The following PRKN variants were observed in gnomAD, a reference collection of about 807,000 sequenced individuals.
The protein encoded by PRKN is E3 ubiquitin-protein ligase parkin.
In PRKN, 56 loss-of-function variants were observed where a neutral mutation model predicts 59.5. The observed-to-expected ratio is 0.94, with a 90% CI of 0.76 to 1.18. PRKN has a LOEUF of 1.18. PRKN is among the 50% of genes most tolerant of loss of function. PRKN has a pLI of 0.00. For missense variants in PRKN, 657 were observed against 596.4 expected (o/e 1.10, Z -1.06); for synonymous variants, 250 against 222.1 (o/e 1.13, Z -1.12).
At chr6:162,700,580 T>A (rs1190014790) in intron 1 of PRKN, among the ~76,000 whole-genome samples, 6 of 152,148 alleles carry the variant, frequency 3.9e-5, no homozygotes, top group African/African-American at 1.2e-4. Context: ...GGAATACATT[T>A]TGAGAATTCA....
chr6:161,880,785 G>A (rs921277506), intron 6 of PRKN, among the ~76,000 whole-genome samples: 6 of 152,102 alleles, frequency 3.9e-5, no homozygotes, highest in African/African-American at 1.2e-4. Context: ...GTGGTGACCC[G>A]GGAAAAGGCA....
At position 161,867,740 on chromosome 6, in the gene PRKN, C is replaced by CATTCATTT. The variant is rs377654828; in HGVS notation, c.735-81833_735-81832insAAATGAAT. On this transcript the variant is annotated intron_variant, in intron 6 of 11. Coordinates refer to ENST00000366898, the MANE Select transcript of PRKN (RefSeq NM_004562.3). Reference sequence around the variant, plus strand: ...ATTAGCAATCATGGGAAAAATCTTTCATTTATTTATTTATTTATTTATTTA... The same window carrying CATTCATTT: ...ATTAGCAATCATGGGAAAAATCTTTCATTCATTTATTTATTTATTTATTTATTTATTTA... Among the ~76,000 whole-genome samples the CATTCATTT allele has an allele frequency of 7.8e-3, 1,068 of 137,588 alleles. 3 individuals are homozygous for CATTCATTT. The highest frequency in any genetic ancestry group is 0.012 in the Non-Finnish European group (812 of 65,606). The allele number at this position is 137,588 out of a possible 152,430, so 90.3% of individuals were successfully genotyped here.
intron 2 of PRKN, among the ~76,000 whole-genome samples, chr6:162,297,705 A>G (rs767217276): frequency 7.2e-5 from 11 of 152,302 alleles, no homozygotes; most frequent in Non-Finnish European, 1.3e-4. Context: ...GAAAAATATA[A>G]TTAAAAACCA....
intron 2 of PRKN, among the ~76,000 whole-genome samples, chr6:162,372,965 T>C (rs1344933391): frequency 1.3e-5 from 2 of 151,930 alleles, no homozygotes; most frequent in Admixed American, 6.6e-5. Context: ...ACCGGAGGAG[T>C]AGGCAATTTT....
chr6:161,651,582 G>A (rs1784151310), intron 7 of PRKN, among the ~76,000 whole-genome samples: 1 of 152,182 alleles, frequency 6.6e-6, no homozygotes, highest in South Asian at 2.1e-4. Context: ...CAGGGGCTGT[G>A]AGTAGCATAA....
intron 1 of PRKN, chr6:162,569,186 A>G: frequency 1.7e-6 from 1 of 578,178 alleles, no homozygotes; most frequent in Admixed American, 2.3e-5. Flanking sequence ...TGCAGATGCA[A>G]AGACTGAGAT....
chr6:161,693,483 C>T (rs1180247685), intron 7 of PRKN, among the ~76,000 whole-genome samples: 12 of 152,168 alleles, frequency 7.9e-5, no homozygotes, highest in South Asian at 2.1e-4. Context: ...GAAAGAGATA[C>T]CCAAAATTAT....
intron 1 of PRKN, among the ~76,000 whole-genome samples, chr6:162,703,130 C>A (rs1356020077): frequency 6.6e-6 from 1 of 151,326 alleles, no homozygotes; most frequent in African/African-American, 2.4e-5. Flanking sequence ...AGAGTGGCAA[C>A]AAAAAAAACT....
intron 6 of PRKN, among the ~76,000 whole-genome samples, chr6:161,815,850 C>T (rs913909475): frequency 3.9e-5 from 6 of 152,184 alleles, no homozygotes; most frequent in African/African-American, 7.2e-5. Context: ...AACTGTACGA[C>T]GGGTTCACCT....
rs551969002 is a variant in PRKN, at chr6:161,616,807, C to T, written c.872-47391G>A. On this transcript the variant is annotated intron_variant, in intron 7 of 11. Transcript: ENST00000366898. ...GTCACATTTGCTTTATCCAGTCTAT[C>T]ATTGATGGGCATTTGGGTTGGTTCC... Among the ~76,000 whole-genome samples, 396 of 152,298 alleles carry T rather than the reference C, an allele frequency of 2.6e-3. 1 individual carries two copies. Among genetic ancestry groups the T allele is most frequent in the Non-Finnish European group, 4.6e-3 (311 of 68,028 alleles).
intron 1 of PRKN, among the ~76,000 whole-genome samples, chr6:162,485,393 G>C (rs1160665387): frequency 6.6e-6 from 1 of 152,206 alleles, no homozygotes; most frequent in Non-Finnish European, 1.5e-5. Context: ...AAAGTAGTAT[G>C]AGAGACACTG....
chr6:162,271,489 ACCAAGATCGCACCAGT>A (rs1780391258), intron 2 of PRKN: 1 of 151,688 alleles, frequency 6.6e-6, no homozygotes, highest in Non-Finnish European at 1.5e-5. Context: ...GTTGCAGTGA[ACCAAGATCGCACCAGT>A]CCACTCCAGC....
intron 2 of PRKN, among the ~76,000 whole-genome samples, chr6:162,368,190 A>C (rs1785555214): frequency 6.6e-6 from 1 of 152,142 alleles, no homozygotes; most frequent in Non-Finnish European, 1.5e-5. Context: ...TTGGGAGAAC[A>C]GGGAATCACT....
intron 2 of PRKN, among the ~76,000 whole-genome samples, chr6:162,377,467 CTT>C: frequency 6.6e-6 from 1 of 152,286 alleles, no homozygotes; most frequent in South Asian, 2.1e-4. Flanking sequence ...GGGGCCACTC[CTT>C]TTGTCTCTTT....
At chr6:161,731,009 G>A (rs1489076832) in intron 7 of PRKN, among the ~76,000 whole-genome samples, 1 of 152,074 alleles carries the variant, frequency 6.6e-6, no homozygotes, top group East Asian at 1.9e-4. Flanking sequence ...GTTGCATTCT[G>A]AAGTGCTGCA....
intron 7 of PRKN, among the ~76,000 whole-genome samples, chr6:161,770,669 T>C (rs946498557): frequency 1.6e-4 from 25 of 152,084 alleles, no homozygotes; most frequent in African/African-American, 5.8e-4. Context: ...GATTTCACCA[T>C]GTTGGTCAGT....
intron 5 of PRKN, among the ~76,000 whole-genome samples, chr6:162,021,425 C>T (rs1352196728): frequency 2.3e-5 from 3 of 130,944 alleles, no homozygotes; most frequent in Non-Finnish European, 3.1e-5. Flanking sequence ...TTTGATGTCC[C>T]GGCATTACAG....
intron 6 of PRKN, among the ~76,000 whole-genome samples, chr6:161,958,411 G>T (rs965135636): frequency 6.6e-6 from 1 of 152,132 alleles, no homozygotes; most frequent in African/African-American, 2.4e-5. Context: ...AATGTTTTAT[G>T]TTGTTGCTAT....
intron 4 of PRKN, among the ~76,000 whole-genome samples, chr6:162,164,041 T>G (rs1782874802): frequency 6.7e-6 from 1 of 149,020 alleles, no homozygotes; most frequent in Non-Finnish European, 1.5e-5. Flanking sequence ...TGAATAGGTT[T>G]TGTGAGGTTG....
Sources: gnomAD v4.1 joint callset for allele counts (sites outside exome capture counted in the v4.1 genomes callset) on GRCh38, gnomAD v4.1.1 for gene constraint, MANE v1.5 for transcripts, NCBI Gene and HGNC (gene_info 2026-07-23, HGNC 2026-07-21) for gene names.